The following MCTP2 variants were observed in gnomAD, a reference collection of about 807,000 sequenced individuals.
MCTP2 encodes the protein multiple C2 and transmembrane domain containing 2.
A neutral mutation model predicts 111.6 loss-of-function variants in MCTP2; 132 were observed. That is an observed-to-expected ratio of 1.18 (90% CI 1.03 to 1.37). The LOEUF is 1.37. Among genes scored for constraint, MCTP2 ranks in the 40% most tolerant of loss-of-function variants. The probability of loss-of-function intolerance (pLI) is 0.00; values close to 1 mark genes in which losing one functional copy is unlikely to be tolerated. For missense variants in MCTP2, 1,183 were observed against 1,067.9 expected (o/e 1.11, Z -1.50); for synonymous variants, 395 against 387.7 (o/e 1.02, Z -0.22).
At chr15:94,361,102 T>G (rs1256398844) in intron 10 of MCTP2, among the ~76,000 whole-genome samples, 2 of 143,296 alleles carry the variant, frequency 1.4e-5, no homozygotes, top group South Asian at 2.3e-4. Flanking sequence ...TTTTTTTTTT[T>G]TTTTTTTTTT....
chr15:94,279,103 C>T (rs901829990), intron 1 of MCTP2, among the ~76,000 whole-genome samples: 3 of 152,008 alleles, frequency 2.0e-5, no homozygotes, highest in Non-Finnish European at 4.4e-5. Flanking sequence ...TATTTGGTCT[C>T]TTTTTTGGTT....
At chr15:94,275,105 G>T (rs1472317262) in intron 1 of MCTP2, among the ~76,000 whole-genome samples, 1 of 152,142 alleles carries the variant, frequency 6.6e-6, no homozygotes, top group African/African-American at 2.4e-5. Context: ...TACAGTGAAT[G>T]CTACTTACAA....
chr15:94,434,537 T>C lies in MCTP2; in HGVS notation c.2086-5639T>C, dbSNP rs534483082. Among the ~76,000 whole-genome samples, 3 of 152,322 alleles carry C rather than the reference T, an allele frequency of 2.0e-5. No individual in the cohort carries two copies. In the East Asian group the frequency reaches 5.8e-4, roughly 29 times the overall value. On this transcript the variant is annotated intron_variant, in intron 17 of 22. Coordinates refer to ENST00000357742, the MANE Select transcript of MCTP2 (RefSeq NM_001385001.1). Reference sequence around the variant, plus strand: ...GATGTATAATCCATTTAGAGTTAAATTTTGTATGTTATGTGGTAAGAGTAG... The same window carrying C: ...GATGTATAATCCATTTAGAGTTAAACTTTGTATGTTATGTGGTAAGAGTAG...
chr15:94,464,100 G>A (rs1343227883), intron 20 of MCTP2, among the ~76,000 whole-genome samples: 1 of 150,242 alleles, frequency 6.7e-6, no homozygotes, highest in Non-Finnish European at 1.5e-5. Flanking sequence ...TAGGTTCTCT[G>A]TCTTTTTTCT....
Position 94,339,343 on chromosome 15 carries a change from AG to A in MCTP2, c.692del (p.Ser231IlefsTer8). 6.2e-7 allele frequency: 1 copy of A among 1,612,076 alleles called. No homozygotes were observed. The highest frequency in any genetic ancestry group is 1.7e-4 in the Middle Eastern group (1 of 6,022). On this transcript the variant is annotated frameshift_variant, in exon 5 of 23. Coordinates refer to ENST00000357742, the MANE Select transcript of MCTP2 (RefSeq NM_001385001.1). LOFTEE classifies it high-confidence loss of function. ...FKLNGKTLYK[S>X]KVIYKNLNPV... The stretch of plus-strand genomic sequence containing the variant: ...GCTGAATGGGAAGACGCTGTACAAA[AG>A]TAAAGTCATATATAAGAACTTGAAC...
At chr15:94,258,848 G>T (rs1273067202) in intron 1 of MCTP2, among the ~76,000 whole-genome samples, 4 of 152,144 alleles carry the variant, frequency 2.6e-5, no homozygotes, top group African/African-American at 9.7e-5. Context: ...TTATTCAGAT[G>T]CTCTAGAACT....
rs141003691 is a variant in MCTP2, at chr15:94,271,125, T to C, written c.-65-27076T>C. 6.7e-3 allele frequency among the ~76,000 whole-genome samples: 1,017 copies of C among 152,340 alleles called. 3 individuals are homozygous for C. Among genetic ancestry groups the C allele is most frequent in the African/African-American group, 0.023 (972 of 41,580 alleles). On this transcript the variant is annotated intron_variant, in intron 1 of 22. Coordinates refer to ENST00000357742, the MANE Select transcript of MCTP2 (RefSeq NM_001385001.1). ...CATATGCTATTTGTGTGTATGTATG[T>C]GAGACGAGAGTGTGTGTGCATAAAA...
chr15:94,458,145 GA>G lies in MCTP2; in HGVS notation c.2264del (p.Lys755ArgfsTer3), dbSNP rs1213053638. 3 of 1,600,628 alleles carry G rather than the reference GA, an allele frequency of 1.9e-6. No homozygotes were observed. The highest frequency in any genetic ancestry group is 2.2e-5 in the East Asian group (1 of 44,812). On this transcript the variant is annotated frameshift_variant, in exon 20 of 23. Coordinates refer to ENST00000357742, the MANE Select transcript of MCTP2 (RefSeq NM_001385001.1). LOFTEE classifies it high-confidence loss of function. Reference sequence around the variant, plus strand: ...GCTTTTATGTTTTCTAGGAATCTGAGAAAAAGGGGTTGATTGAAAGAATCTA... The same window carrying G: ...GCTTTTATGTTTTCTAGGAATCTGAGAAAAGGGGTTGATTGAAAGAATCTA... Reference protein sequence around the residue: ...EEDEDDKESEKKGLIERIYMV... With the variant: ...EEDEDDKESEXKGLIERIYMV...
At chr15:94,345,246 A>G in intron 8 of MCTP2, 82 bp downstream of exon 8, 1 of 1,292,018 alleles carries the variant, frequency 7.7e-7, no homozygotes, top group Non-Finnish European at 1.1e-6. Flanking sequence ...CATGATAGAT[A>G]TTACCCAATC....
In MCTP2 at chr15:94,245,793, T is replaced by C. The variant is rs75243109; in HGVS notation, c.-66+14129T>C. On this transcript the variant is annotated intron_variant, in intron 1 of 22. Transcript: ENST00000357742. ...TGGAAGGTGAAACCTAGTCAATGGC[T>C]TCATTGGAGCACATACCTACATTTC... 5.7e-3 allele frequency among the ~76,000 whole-genome samples: 864 copies of C among 151,054 alleles called. 7 individuals carry two copies. The highest frequency in any genetic ancestry group is 0.019 in the African/African-American group (799 of 41,140).
chr15:94,267,919 G>T (rs1183604015), intron 1 of MCTP2, among the ~76,000 whole-genome samples: 1 of 125,888 alleles, frequency 7.9e-6, no homozygotes, highest in Non-Finnish European at 1.6e-5. Context: ...AGGCTAGAGT[G>T]CAGAGGCGTG....
intron 10 of MCTP2, among the ~76,000 whole-genome samples, chr15:94,361,768 T>TG (rs575908445): frequency 4.1e-4 from 63 of 152,292 alleles, no homozygotes; most frequent in Admixed American, 7.2e-4. Context: ...GTCAAGGACA[T>TG]GGTAGGAGGG....
intron 20 of MCTP2, among the ~76,000 whole-genome samples, chr15:94,464,816 T>C (rs2073127822): frequency 6.6e-6 from 1 of 152,106 alleles, no homozygotes; most frequent in Admixed American, 6.5e-5. Flanking sequence ...GGAGATTTTC[T>C]AGTTATCTTT....
intron 14 of MCTP2, among the ~76,000 whole-genome samples, chr15:94,390,132 A>ATATATATATATG (rs1358369611): frequency 1.1e-4 from 10 of 90,468 alleles, no homozygotes; most frequent in African/African-American, 3.4e-4. Flanking sequence ...ATATATATAT[A>ATATATATATATG]CTTAGATGTT....
intron 14 of MCTP2, 81 bp from the exon 15 acceptor site, chr15:94,398,880 G>A (rs898030701): frequency 6.6e-6 from 5 of 752,066 alleles, no homozygotes; most frequent in African/African-American, 1.7e-5. Flanking sequence ...CCCCAATTTT[G>A]CCAAAGTTAG....
Position 94,328,574 on chromosome 15 carries a change from T to C in MCTP2, c.638-10716T>C, listed in dbSNP as rs572364059. Among the ~76,000 whole-genome samples the C allele has an allele frequency of 2.0e-5, 3 of 152,332 alleles. No homozygotes were observed. The South Asian group carries it at 6.2e-4, about 32-fold the overall frequency. The stretch of plus-strand genomic sequence containing the variant: ...TGTGTTGTGTATTCCCACATGTCCG[T>C]GATTTACTCATGTCTGAGTTTTGAT... On this transcript the variant is annotated intron_variant, in intron 4 of 22. Transcript: ENST00000357742.
At position 94,236,377 on chromosome 15, in the gene MCTP2, C is replaced by CTTTTTTT. The variant is rs71132992; in HGVS notation, c.-66+4735_-66+4741dup. Among the ~76,000 whole-genome samples the CTTTTTTT allele has an allele frequency of 5.2e-4, 38 of 72,508 alleles. 5 individuals carry two copies. Among genetic ancestry groups the CTTTTTTT allele is most frequent in the African/African-American group, 1.2e-3 (23 of 19,024 alleles). 47.6% of individuals were successfully genotyped at this position (72,508 alleles called of 152,430 possible). A position where few individuals can be genotyped will look rare whatever the true frequency, so the allele number is the denominator to read the frequency against. ...TATGATTCAATCCTTTCTTTTTTTT[C>CTTTTTTT]TTTTTTTTTTTTTTTTTTTTTTTTT... On this transcript the variant is annotated intron_variant, in intron 1 of 22. Coordinates refer to ENST00000357742, the MANE Select transcript of MCTP2 (RefSeq NM_001385001.1).
chr15:94,242,529 G>T (rs370280948), intron 1 of MCTP2, among the ~76,000 whole-genome samples: 1 of 151,874 alleles, frequency 6.6e-6, no homozygotes, highest in Non-Finnish European at 1.5e-5. Flanking sequence ...TTCTAACCAG[G>T]ATAAGGATGA....
At chr15:94,345,700 A>G (rs1010595758) in intron 8 of MCTP2, among the ~76,000 whole-genome samples, 3 of 152,242 alleles carry the variant, frequency 2.0e-5, no homozygotes, top group African/African-American at 7.2e-5. Flanking sequence ...GATTTATAAA[A>G]GGCGCAAGAA....
Sources: allele counts gnomAD v4.1 joint callset (sites outside exome capture counted in the v4.1 genomes callset), GRCh38; gene constraint gnomAD v4.1.1; transcripts MANE v1.5; gene names NCBI Gene and HGNC (gene_info 2026-07-23, HGNC 2026-07-21).